The following GRAMD1B variants were observed in gnomAD, a reference collection of about 807,000 sequenced individuals.
The protein encoded by GRAMD1B is protein Aster-B.
Under a neutral mutation model 99.7 loss-of-function variants are expected in GRAMD1B, and 37 were observed. That is an observed-to-expected ratio of 0.37 (90% CI 0.29 to 0.49). The LOEUF (loss-of-function observed/expected upper bound fraction) is 0.49, where lower values mean the gene tolerates loss of function less well. GRAMD1B is among the 20% of genes least tolerant of loss of function. GRAMD1B has a pLI of 0.98. For missense variants in GRAMD1B, 888 were observed against 1,009.2 expected, an observed-to-expected ratio of 0.88 and a Z score of 1.63; for synonymous variants, 427 against 387.6, an observed-to-expected ratio of 1.10 and a Z score of -1.19.
chr11:123,531,575 A>G (rs1173454788), intron 2 of GRAMD1B, among the ~76,000 whole-genome samples: 1 of 152,000 alleles, frequency 6.6e-6, no homozygotes. Context: ...GTTGTCATCA[A>G]GTTTATTATT....
At chr11:123,579,236 A>G (rs763215048) in intron 3 of GRAMD1B, among the ~76,000 whole-genome samples, 92 of 152,338 alleles carry the variant, frequency 6.0e-4, no homozygotes, top group Non-Finnish European at 1.1e-3. Flanking sequence ...TGGAACAACA[A>G]GGCCCATGGG....
intron 1 of GRAMD1B, among the ~76,000 whole-genome samples, chr11:123,382,913 C>G (rs1159663651): frequency 6.6e-6 from 1 of 152,164 alleles, no homozygotes; most frequent in Non-Finnish European, 1.5e-5. Flanking sequence ...CCCAATTCTC[C>G]TCTTGCCCTC....
At chr11:123,379,408 T>TA (rs111696411) in intron 1 of GRAMD1B, among the ~76,000 whole-genome samples, 2,457 of 148,668 alleles carry the variant, frequency 0.017, 72 homozygotes, top group African/African-American at 0.057. Context: ...TGAGATATCT[T>TA]AAAAAAAAAA....
intron 2 of GRAMD1B, among the ~76,000 whole-genome samples, chr11:123,560,985 A>G (rs1946702626): frequency 6.6e-6 from 1 of 152,034 alleles, no homozygotes; most frequent in Non-Finnish European, 1.5e-5. Flanking sequence ...CAGAGATGCC[A>G]CCTTCTTTTC....
At chr11:123,435,938 T>C (rs1245281225) in intron 1 of GRAMD1B, among the ~76,000 whole-genome samples, 2 of 25,146 alleles carry the variant, frequency 8.0e-5, no homozygotes, top group Non-Finnish European at 1.2e-4. Flanking sequence ...AAACTCATAC[T>C]TTTTTTTTTT....
At chr11:123,611,638 A>T (rs919503829) in intron 14 of GRAMD1B, among the ~76,000 whole-genome samples, 1 of 152,064 alleles carries the variant, frequency 6.6e-6, no homozygotes, top group Non-Finnish European at 1.5e-5. Flanking sequence ...GTTCCTCAGA[A>T]GATCTTTCAA....
At chr11:123,451,709 G>A (rs1235029435) in intron 1 of GRAMD1B, among the ~76,000 whole-genome samples, 1 of 152,192 alleles carries the variant, frequency 6.6e-6, no homozygotes, top group Non-Finnish European at 1.5e-5. Context: ...AGAGAGGAGA[G>A]TCCAAATCCC....
intron 1 of GRAMD1B, among the ~76,000 whole-genome samples, chr11:123,475,444 C>T (rs2134729615): frequency 6.6e-6 from 1 of 152,308 alleles, no homozygotes; most frequent in South Asian, 2.1e-4. Flanking sequence ...AGCTTCCCAT[C>T]TTATTTAGGA....
chr11:123,603,776 T>C (rs1486093629), intron 9 of GRAMD1B, among the ~76,000 whole-genome samples: 8 of 152,190 alleles, frequency 5.3e-5, no homozygotes, highest in Admixed American at 2.6e-4. Flanking sequence ...TTGGCAAAGA[T>C]AATTGCTAAG....
intron 1 of GRAMD1B, among the ~76,000 whole-genome samples, chr11:123,473,979 A>G (rs528776019): frequency 2.6e-5 from 4 of 152,336 alleles, no homozygotes; most frequent in Admixed American, 2.6e-4. Flanking sequence ...TAAATGCCAG[A>G]GTCATTTTAT....
chr11:123,470,543 T>A (rs564506124), intron 1 of GRAMD1B, among the ~76,000 whole-genome samples: 112 of 141,192 alleles, frequency 7.9e-4, no homozygotes, highest in African/African-American at 2.8e-3. Context: ...AGGCGGGGTC[T>A]CACTCTGTCA....
chr11:123,615,274 G>T (rs557775296), intron 17 of GRAMD1B, among the ~76,000 whole-genome samples: 2 of 152,178 alleles, frequency 1.3e-5, no homozygotes, highest in Non-Finnish European at 2.9e-5. Context: ...ACGTTGGCAG[G>T]GTAGCCAGAC....
At chr11:123,394,331 A>G (rs1210062324) in intron 1 of GRAMD1B, among the ~76,000 whole-genome samples, 1 of 152,192 alleles carries the variant, frequency 6.6e-6, no homozygotes, top group Non-Finnish European at 1.5e-5. Context: ...ATCCAATGAT[A>G]CCATTTTGTG....
chr11:123,538,096 A>G (rs1422599261), intron 2 of GRAMD1B, among the ~76,000 whole-genome samples: 3 of 152,056 alleles, frequency 2.0e-5, no homozygotes, highest in African/African-American at 7.2e-5. Context: ...CCCTCTTTCT[A>G]TTCTTCTTGG....
intron 1 of GRAMD1B, among the ~76,000 whole-genome samples, chr11:123,390,110 C>A (rs1369408842): frequency 2.8e-5 from 4 of 142,664 alleles, no homozygotes; most frequent in African/African-American, 8.1e-5. Context: ...ATTGATTTAA[C>A]AAATAGCTAA....
At chr11:123,572,751 C>T (rs924000565) in intron 2 of GRAMD1B, among the ~76,000 whole-genome samples, 6 of 152,162 alleles carry the variant, frequency 3.9e-5, no homozygotes, top group Admixed American at 2.0e-4. Flanking sequence ...CAGACAGACC[C>T]CAATGGCTGA....
rs1591385935 is a variant in GRAMD1B, at chr11:123,380,072, A to T, written c.-176+21273A>T. Among the ~76,000 whole-genome samples, 3 of 152,376 alleles carry T rather than the reference A, an allele frequency of 2.0e-5. No individual in the cohort carries two copies. In the Middle Eastern group the frequency reaches 0.01, roughly 518 times the overall value. ...AGTTATAGTTCTTTATATATTCTAGACACAAGTCTCTTGTCAAATATATGA... is the reference window on the plus strand; with the variant it reads ...AGTTATAGTTCTTTATATATTCTAGTCACAAGTCTCTTGTCAAATATATGA... On this transcript the variant is annotated intron_variant, in intron 1 of 20. Coordinates refer to the GRAMD1B transcript ENST00000638157.
chr11:123,377,095 C>T (rs1946715177), intron 1 of GRAMD1B, among the ~76,000 whole-genome samples: 1 of 152,182 alleles, frequency 6.6e-6, no homozygotes, highest in African/African-American at 2.4e-5. Context: ...TTGACTTTGA[C>T]AAATTACACC....
At chr11:123,470,440 C>T (rs1162739580) in intron 1 of GRAMD1B, among the ~76,000 whole-genome samples, 1 of 151,988 alleles carries the variant, frequency 6.6e-6, no homozygotes, top group African/African-American at 2.4e-5. Flanking sequence ...CCACCTTGGC[C>T]TCCCAAAATA....
Sources: allele counts gnomAD v4.1 joint callset (sites outside exome capture counted in the v4.1 genomes callset), GRCh38; gene constraint gnomAD v4.1.1; transcripts MANE v1.5; gene names NCBI Gene and HGNC (gene_info 2026-07-23, HGNC 2026-07-21).